KANK1: variants seen among roughly 807,000 people sequenced by gnomAD.
KANK1 encodes KN motif and ankyrin repeat domains 1, also known as KN motif and ankyrin repeat domain-containing protein 1.
KANK1 carries 109 observed loss-of-function variants against 106.2 expected under a neutral mutation model. The observed-to-expected ratio is 1.03, with a 90% CI of 0.88 to 1.20. The LOEUF is 1.20. KANK1 is among the 50% of genes most tolerant of loss of function. The pLI, the probability that KANK1 is intolerant of heterozygous loss-of-function variation, is 0.00. For synonymous variants in KANK1, 873 were observed against 652.2 expected (o/e 1.34, Z -5.16); for missense variants, 2,399 against 1,710.7 (o/e 1.40, Z -7.10).
At position 632,094 on chromosome 9, in the gene KANK1, T is replaced by A. The variant is rs144980477; in HGVS notation, c.-83-44796T>A. ...TTTAACAGTCACTTAATAAAGGCAA[T>A]GAAAAGGAAATAACATTTGACCTTC... On this transcript the variant is annotated intron_variant, in intron 1 of 11. Transcript: ENST00000382297. 4.6e-3 allele frequency among the ~76,000 whole-genome samples: 706 copies of A among 152,326 alleles called. 7 individuals are homozygous for A. The highest frequency in any genetic ancestry group is 0.017 in the Middle Eastern group (5 of 294).
At chr9:702,880 T>C (rs142464433) in intron 2 of KANK1, among the ~76,000 whole-genome samples, 1 of 152,308 alleles carries the variant, frequency 6.6e-6, no homozygotes, top group African/African-American at 2.4e-5. Context: ...CTCTGGTCAT[T>C]TACCTTGTCT....
chr9:681,500 A>G (rs554559695), intron 2 of KANK1, among the ~76,000 whole-genome samples: 2 of 152,218 alleles, frequency 1.3e-5, no homozygotes, highest in African/African-American at 4.8e-5. Context: ...TAGAGCTTAG[A>G]TATGCTTTAG....
In KANK1 at chr9:712,502, A is replaced by ACC; in HGVS notation, c.1737_1738dup (p.Arg580ProfsTer15). 1 of 1,614,144 alleles carries ACC rather than the reference A, an allele frequency of 6.2e-7. No homozygotes were observed. Among genetic ancestry groups the ACC allele is most frequent in the Non-Finnish European group, 8.5e-7 (1 of 1,180,034 alleles). The stretch of plus-strand genomic sequence containing the variant: ...GTTAAGGAGAGGGTGGAAATGCATG[A>ACC]CCGATGTGCTGGGAGGTCTGTGGAA... On this transcript the variant is annotated frameshift_variant, in exon 3 of 12. Transcript: ENST00000382297. LOFTEE classifies it high-confidence loss of function.
chr9:739,571 A>C (rs1235375332), intron 8 of KANK1, among the ~76,000 whole-genome samples: 2 of 152,210 alleles, frequency 1.3e-5, no homozygotes, highest in Non-Finnish European at 2.9e-5. Flanking sequence ...TCTAGACTAT[A>C]AACAGAGCTG....
At chr9:744,424 G>C (rs1589383305) in intron 10 of KANK1, 67 bp from the exon 11 acceptor site, 3 of 1,543,552 alleles carry the variant, frequency 1.9e-6, no homozygotes, top group East Asian at 4.5e-5. Flanking sequence ...GTTTTGTTCT[G>C]TTACCTTTCG....
At chr9:569,032 G>C (rs938968971) in intron 1 of KANK1, among the ~76,000 whole-genome samples, 1 of 152,114 alleles carries the variant, frequency 6.6e-6, no homozygotes. Flanking sequence ...CACCTGTAGA[G>C]GTTCAGCTGG....
Position 713,264 on chromosome 9 carries a change from T to A in KANK1, c.2498T>A (p.Leu833Gln), listed in dbSNP as rs370112688. The A allele has an allele frequency of 3.7e-6, 6 of 1,612,342 alleles. No individual in the cohort carries two copies. The highest frequency in any genetic ancestry group is 5.1e-6 in the Non-Finnish European group (6 of 1,179,178). Residue 833 changes from leucine (L) to glutamine (Q), a missense_variant, in exon 3 of 12, where the codon CTG (leucine) becomes CAG (glutamine). Transcript: ENST00000382297. ...CACTACATTGAGCGTATCCAGAAGC[T>A]GCTGGCAGAACAGCAGACACTGCTG... ...LDHYIERIQK[L>Q]LAEQQTLLAE...
intron 1 of KANK1, among the ~76,000 whole-genome samples, chr9:627,286 C>G (rs1195489494): frequency 6.6e-6 from 1 of 152,160 alleles, no homozygotes; most frequent in African/African-American, 2.4e-5. Context: ...CCCTAAACCA[C>G]AAAGCCTGAT....
intron 1 of KANK1, among the ~76,000 whole-genome samples, chr9:554,805 C>T (rs2061483938): frequency 6.6e-6 from 1 of 152,162 alleles, no homozygotes; most frequent in Non-Finnish European, 1.5e-5. Context: ...AGGATGATGT[C>T]TTTTGTTTCC....
rs1321696652 is a variant in KANK1, at chr9:673,205, T to C, written c.-83-3685T>C. Among the ~76,000 whole-genome samples, 4 of 93,040 alleles carry C rather than the reference T, an allele frequency of 4.3e-5. No homozygotes were observed. In the South Asian group the frequency reaches 1.4e-3, roughly 34 times the overall value. 61.0% of individuals were successfully genotyped at this position (93,040 alleles called of 152,430 possible). On this transcript the variant is annotated intron_variant, in intron 1 of 11. Transcript: ENST00000382297. Reference sequence around the variant, plus strand: ...ACACCCAGTGACAGTGTCTTCTTTTTTTTTTTTTTTTTTTTTTTTTTGAGA... The same window carrying C: ...ACACCCAGTGACAGTGTCTTCTTTTCTTTTTTTTTTTTTTTTTTTTTGAGA...
intron 2 of KANK1, among the ~76,000 whole-genome samples, 164 bp downstream of exon 2, chr9:677,173 A>T (rs946007273): frequency 6.6e-6 from 1 of 152,256 alleles, no homozygotes; most frequent in Non-Finnish European, 1.5e-5. Flanking sequence ...TTTTACTCTC[A>T]GAAAATTTGC....
At chr9:479,858 G>C (rs2132136129) in intron 3 of KANK1, among the ~76,000 whole-genome samples, 1 of 151,924 alleles carries the variant, frequency 6.6e-6, no homozygotes, top group East Asian at 1.9e-4. Context: ...GTCTCTACTT[G>C]CAAGAAAATA....
Position 710,952 on chromosome 9 carries a change from C to T in KANK1, c.186C>T (p.Asn62=). The T allele has an allele frequency of 6.2e-7, 1 of 1,614,154 alleles. No homozygotes were observed. The highest frequency in any genetic ancestry group is 8.5e-7 in the Non-Finnish European group (1 of 1,180,046). Residue 62 remains asparagine, a synonymous_variant, in exon 3 of 12, where the codon AAC becomes AAT. Transcript: ENST00000382297. ...IQKGNTIKRL[N]IQKRRKPSVP... ...AGGGAAATACCATCAAAAGACTGAA[C>T]ATCCAGAAGAGGCGGAAGCCGTCCG... is the stretch of plus-strand genomic sequence containing the variant.
chr9:474,551 A>G (rs2058073159), intron 3 of KANK1, among the ~76,000 whole-genome samples: 1 of 152,200 alleles, frequency 6.6e-6, no homozygotes, highest in African/African-American at 2.4e-5. Context: ...AAGAAGGCAA[A>G]TGTTCTTTCT....
intron 1 of KANK1, among the ~76,000 whole-genome samples, chr9:581,406 G>A (rs115572520): frequency 8.5e-5 from 13 of 152,216 alleles, no homozygotes; most frequent in African/African-American, 2.2e-4. Flanking sequence ...GAGCCTTCTC[G>A]TAAATCTGTT....
intron 1 of KANK1, among the ~76,000 whole-genome samples, chr9:592,306 C>T (rs2804283): frequency 0.35 from 53,379 of 151,716 alleles, 12,217 homozygotes; most frequent in South Asian, 0.56. Flanking sequence ...CATCTGTGCG[C>T]AGGACTGCTC....
intron 1 of KANK1, among the ~76,000 whole-genome samples, chr9:583,383 T>A (rs1429085638): frequency 1.3e-5 from 2 of 152,150 alleles, no homozygotes; most frequent in East Asian, 1.9e-4. Flanking sequence ...CAATTTTGCT[T>A]TTGTTTTTAT....
chr9:530,772 T>G (rs1165490541), intron 1 of KANK1, among the ~76,000 whole-genome samples: 2 of 152,140 alleles, frequency 1.3e-5, no homozygotes, highest in African/African-American at 2.4e-5. Context: ...GTGGAGTGCT[T>G]GAGCCCAGGA....
At chr9:671,306 A>T (rs1425647503) in intron 1 of KANK1, among the ~76,000 whole-genome samples, 1 of 151,906 alleles carries the variant, frequency 6.6e-6, no homozygotes, top group African/African-American at 2.4e-5. Context: ...ATAAAGAACA[A>T]GGTTGATAAT....
Sources: allele counts gnomAD v4.1 joint callset (sites outside exome capture counted in the v4.1 genomes callset), GRCh38; gene constraint gnomAD v4.1.1; transcripts MANE v1.5; gene names NCBI Gene and HGNC (gene_info 2026-07-23, HGNC 2026-07-21).